The following ACTR3C variants were observed in gnomAD, a reference collection of about 807,000 sequenced individuals.
ACTR3C encodes actin related protein 3C, also known as actin-related protein 3C.
A neutral mutation model predicts 26.3 loss-of-function variants in ACTR3C; 18 were observed. The ratio of observed to expected loss-of-function variants is 0.68; its 90% CI spans 0.47 to 1.01. The LOEUF is 1.01. Ranked by LOEUF, ACTR3C falls within the 50% of genes least tolerant of loss-of-function variation. The pLI is 0.00. For missense variants in ACTR3C, 184 were observed against 250.7 expected, an observed-to-expected ratio of 0.73 and a Z score of 1.80; for synonymous variants, 55 against 94.5, an observed-to-expected ratio of 0.58 and a Z score of 2.42.
At chr7:149,950,191 A>C in the ACTR3C span, among the ~76,000 whole-genome samples, 3 of 102,922 alleles carry the variant, frequency 2.9e-5, no homozygotes, top group African/African-American at 4.8e-5. Flanking sequence ...ATTTATATGA[A>C]TAATGCAGGC....
chr7:150,032,286 G>A, the ACTR3C span, among the ~76,000 whole-genome samples: 1 of 152,210 alleles, frequency 6.6e-6, no homozygotes, highest in African/African-American at 2.4e-5. Flanking sequence ...GACCTGAAAG[G>A]AGGGGTGCAT....
chr7:150,243,618 T>G (rs1385622347), downstream of ACTR3C, among the ~76,000 whole-genome samples: 3 of 152,172 alleles, frequency 2.0e-5, no homozygotes, highest in African/African-American at 4.8e-5. Context: ...AATGCTCAAG[T>G]TCCTTCTATA....
At chr7:150,321,484 A>C (rs1250511745) in intron 1 of ACTR3C, among the ~76,000 whole-genome samples, 1 of 152,244 alleles carries the variant, frequency 6.6e-6, no homozygotes, top group African/African-American at 2.4e-5. Flanking sequence ...ACACACCTGC[A>C]ATCCCAGCAC....
chr7:149,917,792 T>C, the ACTR3C span, among the ~76,000 whole-genome samples: 2 of 151,982 alleles, frequency 1.3e-5, no homozygotes, highest in African/African-American at 4.8e-5. Context: ...CACGACACCA[T>C]GCCTGGCTAG....
At chr7:150,045,737 G>C in the ACTR3C span, among the ~76,000 whole-genome samples, 1 of 152,016 alleles carries the variant, frequency 6.6e-6, no homozygotes, top group Non-Finnish European at 1.5e-5. Context: ...TATACTCCAA[G>C]TTAAGATTTT....
the ACTR3C span, among the ~76,000 whole-genome samples, chr7:150,236,248 T>C: frequency 2.6e-5 from 4 of 152,226 alleles, no homozygotes; most frequent in Admixed American, 1.3e-4. Context: ...AAAGTATCCA[T>C]GGTAATGAAG....
chr7:149,902,429 T>A, the ACTR3C span, among the ~76,000 whole-genome samples: 1 of 47,372 alleles, frequency 2.1e-5, no homozygotes, highest in East Asian at 5.9e-4. Context: ...TACTTCATAT[T>A]TCATAGCCAA....
chr7:150,118,103 G>A, the ACTR3C span, among the ~76,000 whole-genome samples: 22 of 152,144 alleles, frequency 1.4e-4, no homozygotes, highest in Non-Finnish European at 3.2e-4. Flanking sequence ...AAATACCAAA[G>A]GTAGAGAAAT....
intron 1 of ACTR3C, among the ~76,000 whole-genome samples, chr7:150,315,292 G>C (rs1440994188): frequency 6.6e-6 from 1 of 152,038 alleles, no homozygotes; most frequent in Non-Finnish European, 1.5e-5. Flanking sequence ...ATAAACTTCT[G>C]TCCTGCTAAA....
At chr7:150,109,403 T>C in the ACTR3C span, among the ~76,000 whole-genome samples, 197 of 152,030 alleles carry the variant, frequency 1.3e-3, 4 homozygotes, top group African/African-American at 4.4e-3. Flanking sequence ...CTAAAAGATA[T>C]ATAAGTATTT....
the ACTR3C span, among the ~76,000 whole-genome samples, chr7:150,004,103 T>C: frequency 1.4e-5 from 2 of 146,616 alleles, no homozygotes; most frequent in Non-Finnish European, 2.9e-5. Context: ...GTCGTGTGTA[T>C]GGTGTGTATG....
the ACTR3C span, among the ~76,000 whole-genome samples, chr7:150,073,186 A>AC: frequency 8.6e-3 from 1,315 of 152,302 alleles, 16 homozygotes; most frequent in African/African-American, 0.029. Flanking sequence ...GAGACCCCTC[A>AC]CCCCTTCCAC....
At chr7:150,169,254 G>A in the ACTR3C span, among the ~76,000 whole-genome samples, 2 of 150,178 alleles carry the variant, frequency 1.3e-5, no homozygotes, top group Admixed American at 1.3e-4. Context: ...ATGGTGACAG[G>A]CACCTGTAGT....
At chr7:150,182,518 A>T in the ACTR3C span, among the ~76,000 whole-genome samples, 1 of 150,778 alleles carries the variant, frequency 6.6e-6, no homozygotes, top group Non-Finnish European at 1.5e-5. Flanking sequence ...ATGAAGAAGA[A>T]AACCCACCAG....
At chr7:150,161,202 T>TTTTATATATATATA in the ACTR3C span, among the ~76,000 whole-genome samples, 2 of 103,004 alleles carry the variant, frequency 1.9e-5, no homozygotes, top group East Asian at 5.8e-4. Flanking sequence ...AGGAAAGTAT[T>TTTTATATATATATA]TATATATATA....
the ACTR3C span, among the ~76,000 whole-genome samples, chr7:149,961,626 G>A: frequency 6.6e-6 from 1 of 152,116 alleles, no homozygotes; most frequent in Non-Finnish European, 1.5e-5. Flanking sequence ...CAGAGGAAAT[G>A]TGGGCTCACA....
chr7:150,260,909 T>C (rs532539564), intron 6 of ACTR3C, among the ~76,000 whole-genome samples: 1 of 152,296 alleles, frequency 6.6e-6, no homozygotes, highest in Admixed American at 6.5e-5. Context: ...CTGACAAACT[T>C]TGTAGACACT....
chr7:149,889,741 C>T, the ACTR3C span, among the ~76,000 whole-genome samples: 2 of 152,158 alleles, frequency 1.3e-5, no homozygotes, highest in African/African-American at 2.4e-5. Context: ...ACCTGTGGTC[C>T]GAGCTACTCA....
the ACTR3C span, among the ~76,000 whole-genome samples, chr7:149,919,123 T>A: frequency 1.3e-5 from 2 of 151,128 alleles, no homozygotes; most frequent in African/African-American, 2.4e-5. Flanking sequence ...CAAACATTTT[T>A]AAATAAACCA....
Sources: gnomAD v4.1 joint callset for allele counts (sites outside exome capture counted in the v4.1 genomes callset) on GRCh38, gnomAD v4.1.1 for gene constraint, MANE v1.5 for transcripts, NCBI Gene and HGNC (gene_info 2026-07-23, HGNC 2026-07-21) for gene names.